Variants in GALNT18 observed in about 807,000 individuals in gnomAD.
GALNT18 encodes GalNAc-transferase 18.
In GALNT18, 44 loss-of-function variants were observed where a neutral mutation model predicts 69.5. The ratio of observed to expected loss-of-function variants is 0.63; its 90% CI spans 0.50 to 0.81. The LOEUF is 0.81. Ranked by LOEUF, GALNT18 falls within the 40% of genes least tolerant of loss-of-function variation. The pLI, the probability that GALNT18 is intolerant of heterozygous loss-of-function variation, is 0.00. For missense variants in GALNT18, 715 were observed against 810.0 expected (o/e 0.88, Z 1.42); for synonymous variants, 364 against 318.2 (o/e 1.14, Z -1.53).
intron 1 of GALNT18, among the ~76,000 whole-genome samples, chr11:11,501,851 G>A (rs903840042): frequency 5.3e-5 from 8 of 152,154 alleles, no homozygotes; most frequent in African/African-American, 1.7e-4. Context: ...GCCTCGCCTG[G>A]GAAGGTTCTG....
At chr11:11,329,860 C>T (rs139222708) in intron 8 of GALNT18, among the ~76,000 whole-genome samples, 40 of 152,286 alleles carry the variant, frequency 2.6e-4, no homozygotes, top group African/African-American at 9.1e-4. Context: ...AAGCTCTTTC[C>T]GTAGTGCAAA....
chr11:11,335,058 T>C (rs2133051603), intron 7 of GALNT18, among the ~76,000 whole-genome samples: 1 of 152,246 alleles, frequency 6.6e-6, no homozygotes. Flanking sequence ...TGTCTTTATG[T>C]GACTAAATTT....
At chr11:11,297,698 T>C (rs4909979) in intron 9 of GALNT18, among the ~76,000 whole-genome samples, 25,325 of 152,142 alleles carry the variant, frequency 0.17, 2,227 homozygotes, top group Admixed American at 0.23. Flanking sequence ...AACTCTGGTC[T>C]GAGGCTGGGG....
At chr11:11,464,099 T>C (rs1397323453) in intron 1 of GALNT18, among the ~76,000 whole-genome samples, 2 of 152,204 alleles carry the variant, frequency 1.3e-5, no homozygotes, top group African/African-American at 4.8e-5. Context: ...CAAGCTTATC[T>C]ATCTCTGTCA....
intron 1 of GALNT18, among the ~76,000 whole-genome samples, chr11:11,578,586 T>C (rs137969744): frequency 8.5e-4 from 129 of 152,324 alleles, no homozygotes; most frequent in Non-Finnish European, 1.6e-3. Context: ...GCTTGGCTTT[T>C]ACAGAAAGAA....
rs1030021923 is a variant in GALNT18 at position 11,496,619 on chromosome 11, C to T, written c.236-47683G>A. Reference sequence around the variant, plus strand: ...GAGAAGTAGATGAAGGGCTACCACACAGAGGGTGGGAAGAAGGAAAGACTG... The same window carrying T: ...GAGAAGTAGATGAAGGGCTACCACATAGAGGGTGGGAAGAAGGAAAGACTG... On this transcript the variant is annotated intron_variant, in intron 1 of 10. Transcript: ENST00000227756. The surrounding 1 kb of genome is among the most constrained non-coding windows in gnomAD (Gnocchi z 4.0). Among the ~76,000 whole-genome samples, 3 of 152,160 alleles carry T rather than the reference C, an allele frequency of 2.0e-5. No individual in the cohort carries two copies. Among genetic ancestry groups the T allele is most frequent in the Non-Finnish European group, 2.9e-5 (2 of 68,026 alleles).
intron 1 of GALNT18, among the ~76,000 whole-genome samples, chr11:11,519,439 C>T (rs10831625): frequency 0.21 from 31,524 of 152,008 alleles, 3,837 homozygotes; most frequent in Non-Finnish European, 0.25. Flanking sequence ...TCCACGGCCA[C>T]GCCCACCTGT....
intron 1 of GALNT18, among the ~76,000 whole-genome samples, chr11:11,449,458 C>T (rs1359646116): frequency 6.6e-6 from 1 of 152,224 alleles, no homozygotes; most frequent in African/African-American, 2.4e-5. Flanking sequence ...GTGACATTCA[C>T]CTGGCTGTCA....
chr11:11,485,547 TC>T (rs1856625747), intron 1 of GALNT18, among the ~76,000 whole-genome samples: 1 of 152,184 alleles, frequency 6.6e-6, no homozygotes, highest in Admixed American at 6.5e-5. Flanking sequence ...ACTATGCATT[TC>T]ATAATATCAC....
At chr11:11,390,258 G>A (rs1010541393) in intron 3 of GALNT18, among the ~76,000 whole-genome samples, 5 of 152,120 alleles carry the variant, frequency 3.3e-5, no homozygotes, top group Non-Finnish European at 5.9e-5. Flanking sequence ...CACTAAGCTC[G>A]GTCATGCTAG....
At chr11:11,388,411 T>C (rs1589960817) in intron 3 of GALNT18, among the ~76,000 whole-genome samples, 1 of 152,166 alleles carries the variant, frequency 6.6e-6, no homozygotes, top group African/African-American at 2.4e-5. Flanking sequence ...TATAGAAAAA[T>C]GTTTACCTGA....
intron 10 of GALNT18, among the ~76,000 whole-genome samples, chr11:11,279,762 A>G (rs11021747): frequency 0.13 from 19,517 of 152,294 alleles, 1,786 homozygotes; most frequent in Admixed American, 0.28. Context: ...GGTGATGGGC[A>G]GGAAATCACA....
rs571775449 is a variant in GALNT18, at chr11:11,338,402, G to GA, written c.1278+2416dup. Among the ~76,000 whole-genome samples the GA allele has an allele frequency of 1.3e-5, 2 of 151,868 alleles. No individual in the cohort carries two copies. Among genetic ancestry groups the GA allele is most frequent in the Non-Finnish European group, 2.9e-5 (2 of 67,880 alleles). On this transcript the variant is annotated intron_variant, in intron 7 of 10. Transcript: ENST00000227756. This position sits in a 1 kb window ranked among gnomAD's most constrained non-coding sequence, Gnocchi z 5.3. ...AAAACCAGCTGAAGCTTGTGGCAGA[G>GA]AAAAAAACAGGGCCTGAATGCAGAC... is the stretch of plus-strand genomic sequence containing the variant.
At chr11:11,405,851 T>C (rs75669968) in intron 3 of GALNT18, among the ~76,000 whole-genome samples, 326 of 152,354 alleles carry the variant, frequency 2.1e-3, no homozygotes, top group Non-Finnish European at 3.9e-3. Context: ...TGTGTGATCC[T>C]TCCATGCTAT....
intron 1 of GALNT18, among the ~76,000 whole-genome samples, chr11:11,609,881 C>G (rs1859853112): frequency 6.6e-6 from 1 of 152,152 alleles, no homozygotes. Flanking sequence ...GTAGACCAGT[C>G]CCCCTTTTAT....
chr11:11,512,858 G>A (rs1301100714), intron 1 of GALNT18, among the ~76,000 whole-genome samples: 2 of 152,224 alleles, frequency 1.3e-5, no homozygotes, highest in Non-Finnish European at 2.9e-5. Context: ...TCTCGACAAA[G>A]TCCCATAATG....
rs761431274 is a variant in GALNT18, at chr11:11,484,172, C to T, written c.236-35236G>A. 3.9e-4 allele frequency among the ~76,000 whole-genome samples: 59 copies of T among 152,292 alleles called. No homozygotes were observed. The Middle Eastern group carries it at 0.014, about 35-fold the overall frequency. On this transcript the variant is annotated intron_variant, in intron 1 of 10. Coordinates refer to ENST00000227756, the MANE Select transcript of GALNT18 (RefSeq NM_198516.3). ...AGGATTATCAAAATTCGCCTAGCTG[C>T]TGAGTGCTGGAGTCAGGCTGCTCAT... is the stretch of plus-strand genomic sequence containing the variant.
At chr11:11,344,363 C>T (rs11605524) in intron 6 of GALNT18, among the ~76,000 whole-genome samples, 50,274 of 152,142 alleles carry the variant, frequency 0.33, 9,627 homozygotes, top group East Asian at 0.73. Context: ...CTTTGCTGCA[C>T]CCCCTTCCGC....
At chr11:11,585,352 ATCT>A in intron 1 of GALNT18, among the ~76,000 whole-genome samples, 1 of 147,106 alleles carries the variant, frequency 6.8e-6, no homozygotes, top group East Asian at 2.0e-4. Context: ...GTGAAGAAAA[ATCT>A]TTTTTTTTTT....
Sources: allele counts gnomAD v4.1 joint callset (sites outside exome capture counted in the v4.1 genomes callset), GRCh38; gene constraint gnomAD v4.1.1; non-coding constraint Gnocchi (gnomAD v3.1); transcripts MANE v1.5; gene names NCBI Gene and HGNC (gene_info 2026-07-23, HGNC 2026-07-21).